ZNF804B: variants seen among roughly 807,000 people sequenced by gnomAD.
ZNF804B encodes zinc finger protein 804B.
ZNF804B carries 80 observed loss-of-function variants against 101.4 expected under a neutral mutation model. The ratio of observed to expected loss-of-function variants is 0.79; its 90% CI spans 0.66 to 0.95. ZNF804B has a LOEUF of 0.95. ZNF804B is among the 40% of genes least tolerant of loss of function. The pLI is 0.00. For missense variants in ZNF804B, 1,673 were observed against 1,561.9 expected (o/e 1.07, Z -1.20); for synonymous variants, 622 against 558.8 (o/e 1.11, Z -1.59).
intron 1 of ZNF804B, among the ~76,000 whole-genome samples, chr7:88,930,958 G>A (rs17165554): frequency 0.048 from 7,258 of 151,822 alleles, 252 homozygotes; most frequent in East Asian, 0.15. Flanking sequence ...CCCAGCCATC[G>A]TTAGCCATTA....
chr7:89,010,598 A>G (rs1242807553), intron 1 of ZNF804B, among the ~76,000 whole-genome samples: 1 of 152,128 alleles, frequency 6.6e-6, no homozygotes, highest in Non-Finnish European at 1.5e-5. Context: ...AAAGCACTTA[A>G]TGGGTTTTTT....
chr7:89,206,929 T>C (rs919758780), intron 1 of ZNF804B, among the ~76,000 whole-genome samples: 4 of 152,192 alleles, frequency 2.6e-5, no homozygotes, highest in African/African-American at 9.7e-5. Flanking sequence ...TGCCAGTCTC[T>C]TTGCTAAAAC....
At chr7:88,852,110 A>G (rs1043144015) in intron 1 of ZNF804B, among the ~76,000 whole-genome samples, 1 of 152,100 alleles carries the variant, frequency 6.6e-6, no homozygotes, top group African/African-American at 2.4e-5. Flanking sequence ...CTTTGCCTCA[A>G]AGAGGGAATG....
At chr7:89,082,112 C>G (rs1053795425) in intron 1 of ZNF804B, among the ~76,000 whole-genome samples, 1 of 151,514 alleles carries the variant, frequency 6.6e-6, no homozygotes, top group Non-Finnish European at 1.5e-5. Context: ...AAAATATTAC[C>G]CAACTTTGTG....
intron 1 of ZNF804B, among the ~76,000 whole-genome samples, chr7:88,873,569 C>A (rs560854726): frequency 1.3e-5 from 2 of 152,056 alleles, no homozygotes; most frequent in East Asian, 1.9e-4. Flanking sequence ...AATGGTAATG[C>A]CTAGGTTTTC....
At chr7:89,199,903 A>G (rs1439979553) in intron 1 of ZNF804B, among the ~76,000 whole-genome samples, 1 of 148,416 alleles carries the variant, frequency 6.7e-6, no homozygotes. Flanking sequence ...TGTATAATAT[A>G]TAGGTATATG....
At chr7:88,911,494 A>G (rs1190738382) in intron 1 of ZNF804B, among the ~76,000 whole-genome samples, 2 of 149,038 alleles carry the variant, frequency 1.3e-5, no homozygotes, top group Non-Finnish European at 3.0e-5. Context: ...TATTTATACC[A>G]ACATTATTTT....
At chr7:88,889,114 T>C (rs1792178051) in intron 1 of ZNF804B, among the ~76,000 whole-genome samples, 1 of 152,138 alleles carries the variant, frequency 6.6e-6, no homozygotes, top group Non-Finnish European at 1.5e-5. Flanking sequence ...GCAAAGGATA[T>C]GGTTTCATTC....
chr7:88,785,093 G>A (rs1355447224), intron 1 of ZNF804B, among the ~76,000 whole-genome samples: 2 of 152,048 alleles, frequency 1.3e-5, no homozygotes, highest in African/African-American at 4.8e-5. Flanking sequence ...TGAGCTTTGA[G>A]GAAATACATC....
chr7:89,286,455 A>C (rs1394850859), intron 2 of ZNF804B, among the ~76,000 whole-genome samples: 1 of 152,238 alleles, frequency 6.6e-6, no homozygotes, highest in Admixed American at 6.5e-5. Flanking sequence ...TACTGGAGAA[A>C]ACTGCTGAAA....
intron 1 of ZNF804B, among the ~76,000 whole-genome samples, chr7:88,812,467 G>C (rs1055942303): frequency 2.6e-5 from 4 of 152,058 alleles, no homozygotes; most frequent in African/African-American, 9.7e-5. Flanking sequence ...GTTCCTCAAA[G>C]CACAAAAATA....
intron 1 of ZNF804B, among the ~76,000 whole-genome samples, chr7:89,073,096 C>T: frequency 6.6e-6 from 1 of 152,000 alleles, no homozygotes. Context: ...TAATTTCTGT[C>T]AAAACATGTC....
At chr7:89,027,490 T>A (rs942651308) in intron 1 of ZNF804B, among the ~76,000 whole-genome samples, 1 of 152,196 alleles carries the variant, frequency 6.6e-6, no homozygotes, top group Non-Finnish European at 1.5e-5. Context: ...TCTCAGCCCT[T>A]CTTTCCACCC....
intron 1 of ZNF804B, among the ~76,000 whole-genome samples, chr7:89,019,399 A>G (rs182969145): frequency 2.4e-3 from 371 of 152,184 alleles, no homozygotes; most frequent in African/African-American, 8.0e-3. Flanking sequence ...GTATTCTAAC[A>G]TATGGTCAAA....
At position 88,877,025 on chromosome 7, in the gene ZNF804B, TAA is replaced by T. The variant is rs1491482895; in HGVS notation, c.108+116942_108+116943del. 2.7e-4 allele frequency among the ~76,000 whole-genome samples: 16 copies of T among 59,272 alleles called. No individual in the cohort carries two copies. The South Asian group carries it at 3.7e-3, about 14-fold the overall frequency. 38.9% of individuals were successfully genotyped at this position (59,272 alleles called of 152,430 possible). A position where few individuals can be genotyped will look rare whatever the true frequency, so the allele number is the denominator to read the frequency against. The stretch of plus-strand genomic sequence containing the variant: ...AAAAAAAAATATATATATATATATA[TAA>T]TATATATATATATATATATATATTT... On this transcript the variant is annotated intron_variant, in intron 1 of 3. Coordinates refer to ENST00000333190, the MANE Select transcript of ZNF804B (RefSeq NM_181646.5).
At chr7:88,900,246 TAG>T (rs2115950892) in intron 1 of ZNF804B, among the ~76,000 whole-genome samples, 1 of 152,136 alleles carries the variant, frequency 6.6e-6, no homozygotes, top group Non-Finnish European at 1.5e-5. Context: ...CATTTTTCTT[TAG>T]ATTGTTTTAT....
intron 1 of ZNF804B, among the ~76,000 whole-genome samples, chr7:89,086,584 G>A (rs1288240640): frequency 6.6e-6 from 1 of 151,826 alleles, no homozygotes; most frequent in Non-Finnish European, 1.5e-5. Flanking sequence ...TAGAATATCT[G>A]GCCTTTTTAA....
intron 1 of ZNF804B, among the ~76,000 whole-genome samples, chr7:89,170,815 G>A (rs1464443424): frequency 6.6e-6 from 1 of 152,160 alleles, no homozygotes; most frequent in Non-Finnish European, 1.5e-5. Context: ...GCAGCACACT[G>A]CCAATGGGCT....
chr7:88,773,664 G>C (rs1473270530), intron 1 of ZNF804B, among the ~76,000 whole-genome samples: 1 of 152,022 alleles, frequency 6.6e-6, no homozygotes, highest in Admixed American at 6.6e-5. Flanking sequence ...GATTTAATTG[G>C]CTCACGGTTC....
Sources: allele counts gnomAD v4.1 joint callset (sites outside exome capture counted in the v4.1 genomes callset), GRCh38; gene constraint gnomAD v4.1.1; transcripts MANE v1.5; gene names NCBI Gene and HGNC (gene_info 2026-07-23, HGNC 2026-07-21).